Variants in RNF213 observed in about 807,000 individuals in gnomAD.
The protein encoded by RNF213 is ring finger protein 213, also known as E3 ubiquitin-protein ligase RNF213.
RNF213 carries 341 observed loss-of-function variants against 514.4 expected under a neutral mutation model. That is an observed-to-expected ratio of 0.66 (90% CI 0.61 to 0.73). The LOEUF (loss-of-function observed/expected upper bound fraction) is 0.73. Among genes scored for constraint, RNF213 ranks in the 30% least tolerant of loss-of-function variants. The pLI is 0.00. For missense variants in RNF213, 5,767 were observed against 6,615.6 expected (o/e 0.87, Z 4.45); for synonymous variants, 2,655 against 2,658.2 (o/e 1.00, Z 0.04).
chr17:80,310,060 G>C (rs376321329), intron 14 of RNF213, among the ~76,000 whole-genome samples: 1 of 151,638 alleles, frequency 6.6e-6, no homozygotes, highest in Non-Finnish European at 1.5e-5. Context: ...GCCTCCCATG[G>C]ATCAGTTTTA....
intron 23 of RNF213, 150 bp downstream of exon 23, chr17:80,336,528 A>T (rs773230795): frequency 1.3e-6 from 1 of 758,640 alleles, no homozygotes; most frequent in East Asian, 2.7e-5. Context: ...TTTCTTCATA[A>T]ATGGAAATTC....
chr17:80,306,565 A>C, intron 12 of RNF213, 97 bp downstream of exon 12: 1 of 1,287,818 alleles, frequency 7.8e-7, no homozygotes, highest in Non-Finnish European at 1.1e-6. Context: ...TAAAAAACAG[A>C]CAGTGGGCTG....
In RNF213 at chr17:80,360,051, C is replaced by T; in HGVS notation, c.11055-10C>T. The T allele has an allele frequency of 1.9e-6, 3 of 1,614,030 alleles. No homozygotes were observed. The highest frequency in any genetic ancestry group is 2.5e-6 in the Non-Finnish European group (3 of 1,179,928). On this transcript the variant is annotated splice_polypyrimidine_tract_variant and intron_variant, in intron 37 of 67. Transcript: ENST00000582970. ...AAACCCTCTTCTTATCATCCCTCAC[C>T]TTATTGCAGACATAAAGGTGAGATG...
chr17:80,281,129 AC>A (rs2044244566), intron 3 of RNF213, among the ~76,000 whole-genome samples: 1 of 70,904 alleles, frequency 1.4e-5, no homozygotes, highest in African/African-American at 5.7e-5. Flanking sequence ...ACTCACACAC[AC>A]CCCCACACCC....
At position 80,393,738 on chromosome 17, in the gene RNF213, T is replaced by C. The variant is rs2080576318; in HGVS notation, c.*240T>C. On this transcript the variant is annotated 3_prime_UTR_variant, in exon 68 of 68. Coordinates refer to ENST00000582970, the MANE Select transcript of RNF213 (RefSeq NM_001256071.3). ...CTCATCATTTTATGAGTACTGTTCA[T>C]TGAGAGATGACAATGAAGATTAGAT... is the stretch of plus-strand genomic sequence containing the variant. 2 of 502,116 alleles carry C rather than the reference T, an allele frequency of 4.0e-6. No homozygotes were observed. The highest frequency in any genetic ancestry group is 2.1e-5 in the South Asian group (1 of 47,654). 31.1% of individuals were successfully genotyped at this position (502,116 alleles called of 1,614,324 possible). A position where few individuals can be genotyped will look rare whatever the true frequency, so the allele number is the denominator to read the frequency against.
chr17:80,332,996 T>C (rs1227742511), intron 21 of RNF213, among the ~76,000 whole-genome samples: 2 of 152,000 alleles, frequency 1.3e-5, no homozygotes, highest in African/African-American at 4.8e-5. Flanking sequence ...CATCTCCCAG[T>C]TCCACCCAAA....
At chr17:80,321,951 CTT>C (rs2046151389) in intron 17 of RNF213, among the ~76,000 whole-genome samples, 1 of 152,072 alleles carries the variant, frequency 6.6e-6, no homozygotes, top group African/African-American at 2.4e-5. Flanking sequence ...GTCTCGATCT[CTT>C]GACCTCATGA....
chr17:80,312,878 C>A, intron 14 of RNF213, 134 bp from the exon 15 acceptor site: 1 of 943,064 alleles, frequency 1.1e-6, no homozygotes, highest in Non-Finnish European at 1.7e-6. Context: ...TCTGCCAAGG[C>A]CTGTGGTCCC....
Position 80,364,538 on chromosome 17 carries a change from C to A in RNF213, c.11856C>A (p.Val3952=), listed in dbSNP as rs755527671. The A allele has an allele frequency of 1.9e-6, 3 of 1,614,196 alleles. No homozygotes were observed. The Admixed American group carries it at 5.0e-5, about 27-fold the overall frequency. ...PELQGLVTEH[V]FLLDKCLREN... is the part of the protein sequence containing the mutation. Reference sequence around the variant, plus strand: ...TACAGGGGCTGGTGACCGAGCACGTCTTCTTACTAGACAAGGTGAGTACTT... The same window carrying A: ...TACAGGGGCTGGTGACCGAGCACGTATTCTTACTAGACAAGGTGAGTACTT... The change falls in exon 42 of 68, where the codon GTC becomes GTA. Residue 3952 remains valine, a synonymous_variant. Coordinates refer to ENST00000582970, the MANE Select transcript of RNF213 (RefSeq NM_001256071.3).
chr17:80,286,032 G>A (rs1308286860), intron 3 of RNF213, among the ~76,000 whole-genome samples: 9 of 152,210 alleles, frequency 5.9e-5, no homozygotes, highest in Admixed American at 5.9e-4. Flanking sequence ...GAGTGCAGTG[G>A]CCAGATCTCA....
chr17:80,265,761 C>T (rs1399570450), intron 2 of RNF213, among the ~76,000 whole-genome samples: 3 of 152,138 alleles, frequency 2.0e-5, no homozygotes, highest in East Asian at 1.9e-4. Flanking sequence ...GCATGCAGGG[C>T]GTCTGCTGTT....
At position 80,288,047 on chromosome 17, in the gene RNF213, C is replaced by T. The variant is rs373081355; in HGVS notation, c.494C>T (p.Ala165Val). ...CCACTGGAGGGTGACGGCCTCTCCG[C>T]GCCCACCGAGGTTGGCGACAGCCCC... The part of the protein sequence containing the change: ...TTPLEGDGLS[A>V]PTEVGDSPLQ... Residue 165 changes from alanine to valine, a missense_variant, in exon 4 of 68, where the codon GCG becomes GTG. Transcript: ENST00000582970. This position sits in a 1 kb window ranked among gnomAD's most constrained non-coding sequence, Gnocchi z 4.9. The T allele has an allele frequency of 1.0e-4, 162 of 1,604,670 alleles. No homozygotes were observed. The highest frequency in any genetic ancestry group is 4.0e-4 in the South Asian group (36 of 90,166).
rs575960715 is a variant in RNF213 at position 80,343,407 on chromosome 17, T to C, written c.6183+82T>C. 53 of 1,221,012 alleles carry C rather than the reference T, an allele frequency of 4.3e-5. No individual in the cohort carries two copies. The Admixed American group carries it at 7.0e-4, about 16-fold the overall frequency. 75.6% of individuals were successfully genotyped at this position (1,221,012 alleles called of 1,614,324 possible). A position where few individuals can be genotyped will look rare whatever the true frequency, so the allele number is the denominator to read the frequency against. On this transcript the variant is annotated intron_variant, in intron 27 of 67. Transcript: ENST00000582970. This position sits in a 1 kb window ranked among gnomAD's most constrained non-coding sequence, Gnocchi z 4.3. ...TCTCTGCGTGACTCCTCCCCGTGTA[T>C]AGAATTCCTTGTTTCCACACGCACA...
At position 80,346,468 on chromosome 17, in the gene RNF213, T is replaced by C. The variant is rs868071506; in HGVS notation, c.8133T>C (p.Phe2711=). The change falls in exon 29 of 68, where the codon TTT becomes TTC. Residue 2711 remains phenylalanine, a synonymous_variant. Transcript: ENST00000582970. This position sits in a 1 kb window ranked among gnomAD's most constrained non-coding sequence, Gnocchi z 8.1. ...ATCGGAAAGCCATCGCCAGGTTCTT[T>C]CCGAAACCGTATGACGACAGCAGGC... ...DSYRKAIARF[F]PKPYDDSRLL... is the part of the protein sequence containing the mutation. 9 of 1,613,740 alleles carry C rather than the reference T, an allele frequency of 5.6e-6. No homozygotes were observed. The African/African-American group carries it at 8.0e-5, about 14-fold the overall frequency.
Position 80,317,816 on chromosome 17 carries a change from C to T in RNF213, c.2901+539C>T, listed in dbSNP as rs899822816. The stretch of plus-strand genomic sequence containing the variant: ...TTGCCTTGTTGCCTAGGGTGGCTGC[C>T]CTCTGCCAGGGCCAATGTGACAGCC... On this transcript the variant is annotated intron_variant, in intron 16 of 67. Transcript: ENST00000582970. This position sits in a 1 kb window ranked among gnomAD's most constrained non-coding sequence, Gnocchi z 4.1. Among the ~76,000 whole-genome samples, 1 of 152,182 alleles carries T rather than the reference C, an allele frequency of 6.6e-6. No homozygotes were observed. Among genetic ancestry groups the T allele is most frequent in the South Asian group, 2.1e-4 (1 of 4,834 alleles).
At chr17:80,290,335 G>A (rs558875706) in intron 6 of RNF213, among the ~76,000 whole-genome samples, 28 of 152,198 alleles carry the variant, frequency 1.8e-4, no homozygotes, top group Admixed American at 7.9e-4. Flanking sequence ...GTGTGTGTGC[G>A]CACGTGTGTG....
At chr17:80,316,442 A>C (rs2045951693) in intron 15 of RNF213, 1 of 152,506 alleles carries the variant, frequency 6.6e-6, no homozygotes, top group Admixed American at 6.5e-5. Flanking sequence ...AAAAATGACC[A>C]GGGAACTCTT....
Position 80,343,308 on chromosome 17 carries a change from C to T in RNF213, c.6166C>T (p.Leu2056=), listed in dbSNP as rs187896153. ...TCAGAAGGTCCCCGTGCTCTTTCAC[C>T]TGGACGTGACCTCCTCAGTAAGTGC... is the stretch of plus-strand genomic sequence containing the variant. The part of the protein sequence containing the change: ...QYQKVPVLFH[L]DVTSSVQTGI... The change falls in exon 27 of 68, where the codon CTG becomes TTG. Residue 2056 remains leucine (L), a synonymous_variant. Transcript: ENST00000582970. The surrounding 1 kb of genome is among the most constrained non-coding windows in gnomAD (Gnocchi z 4.3). 1.2e-5 allele frequency: 20 copies of T among 1,612,254 alleles called. No homozygotes were observed. In the Admixed American group the frequency reaches 3.2e-4, roughly 26 times the overall value.
At chr17:80,376,639 A>G in intron 52 of RNF213, 96 bp downstream of exon 52, 1 of 1,531,168 alleles carries the variant, frequency 6.5e-7, no homozygotes, top group South Asian at 1.1e-5. Flanking sequence ...ACTCTTGAGC[A>G]TCTTTATCTC....
Sources: allele counts gnomAD v4.1 joint callset (sites outside exome capture counted in the v4.1 genomes callset), GRCh38; gene constraint gnomAD v4.1.1; non-coding constraint Gnocchi (gnomAD v3.1); transcripts MANE v1.5; gene names NCBI Gene and HGNC (gene_info 2026-07-23, HGNC 2026-07-21).